Variants in ETV1 observed in about 807,000 individuals in gnomAD.
ETV1 encodes ETS variant transcription factor 1, also known as ETS translocation variant 1.
ETV1 carries 27 observed loss-of-function variants against 62.3 expected under a neutral mutation model. The ratio of observed to expected loss-of-function variants is 0.43; its 90% CI spans 0.32 to 0.60. The LOEUF is 0.60. Among genes scored for constraint, ETV1 ranks in the 20% least tolerant of loss-of-function variants. The pLI is 0.06. For synonymous variants in ETV1, 222 were observed against 199.6 expected, an observed-to-expected ratio of 1.11 and a Z score of -0.94; for missense variants, 605 against 605.8, an observed-to-expected ratio of 1.00 and a Z score of 0.01.
At chr7:13,915,950 A>C (rs1784108934) in intron 9 of ETV1, among the ~76,000 whole-genome samples, 1 of 152,204 alleles carries the variant, frequency 6.6e-6, no homozygotes, top group South Asian at 2.1e-4. Flanking sequence ...ACTAAACTTG[A>C]TGTGAATGTA....
Position 13,986,703 on chromosome 7 carries a change from G to A in ETV1, c.134-18C>T, listed in dbSNP as rs759260413. The A allele has an allele frequency of 5.1e-6, 8 of 1,583,126 alleles. No homozygotes were observed. The African/African-American group carries it at 9.5e-5, about 19-fold the overall frequency. ...AAAGAGTTCTAAAAAACAAGTCAAA[G>A]ACATAAACATAAGATTTGCAAATCT... On this transcript the variant is annotated intron_variant, in intron 4 of 13. Coordinates refer to ENST00000430479, the MANE Select transcript of ETV1 (RefSeq NM_004956.5).
At chr7:13,971,247 A>G (rs1225031971) in intron 6 of ETV1, among the ~76,000 whole-genome samples, 1 of 152,242 alleles carries the variant, frequency 6.6e-6, no homozygotes, top group African/African-American at 2.4e-5. Flanking sequence ...CTGGGACTAC[A>G]GGCGTGAGCC....
rs756968342 is a variant in ETV1 at position 13,986,623 on chromosome 7, C to G, written c.181+15G>C. On this transcript the variant is annotated intron_variant, in intron 5 of 13. Coordinates refer to ENST00000430479, the MANE Select transcript of ETV1 (RefSeq NM_004956.5). ...AGAGTTGCTTTCCCCCCTTTTAAAGCAAATTTTGCCTTACCTTCTGCAAGC... is the reference window on the plus strand; with the variant it reads ...AGAGTTGCTTTCCCCCCTTTTAAAGGAAATTTTGCCTTACCTTCTGCAAGC... 6.2e-7 allele frequency: 1 copy of G among 1,611,742 alleles called. No homozygotes were observed. Among genetic ancestry groups the G allele is most frequent in the Non-Finnish European group, 8.5e-7 (1 of 1,178,968 alleles).
chr7:13,990,364 C>A (rs1367996664), upstream of ETV1: 1 of 152,134 alleles, frequency 6.6e-6, no homozygotes, highest in Non-Finnish European at 1.5e-5. Flanking sequence ...GATGGGAGGA[C>A]AACAGAGCAA....
chr7:13,925,627 G>A (rs1374284151), intron 9 of ETV1, among the ~76,000 whole-genome samples: 10 of 150,570 alleles, frequency 6.6e-5, no homozygotes, highest in Admixed American at 2.0e-4. Context: ...GTGCGGTGGC[G>A]CGATCTCAGC....
Position 13,989,320 on chromosome 7 carries a change from G to T in ETV1, c.-140C>A. The T allele has an allele frequency of 2.0e-6, 1 of 498,764 alleles. No homozygotes were observed. Among genetic ancestry groups the T allele is most frequent in the Non-Finnish European group, 3.5e-6 (1 of 284,796 alleles). The allele number at this position is 498,764 out of a possible 1,614,324, so 30.9% of individuals were successfully genotyped here. A position where few individuals can be genotyped will look rare whatever the true frequency, so the allele number is the denominator to read the frequency against. ...CACAATTTACATATTTTCGGTAGTA[G>T]CAAAAATCCGAACAAGAGGCGATGT... On this transcript the variant is annotated 5_prime_UTR_variant, in exon 2 of 14. Coordinates refer to ENST00000430479, the MANE Select transcript of ETV1 (RefSeq NM_004956.5).
chr7:13,933,949 G>A (rs1786486948), intron 8 of ETV1, among the ~76,000 whole-genome samples: 1 of 152,190 alleles, frequency 6.6e-6, no homozygotes, highest in Non-Finnish European at 1.5e-5. Flanking sequence ...CCTTCCCTAA[G>A]AAATAACCAG....
intron 3 of ETV1, 123 bp downstream of exon 3, chr7:13,988,885 G>T: frequency 6.4e-7 from 1 of 1,551,138 alleles, no homozygotes; most frequent in African/African-American, 1.4e-5. Flanking sequence ...CCCTACAGTG[G>T]CAACAAAGCA....
At chr7:13,989,860 G>A (rs1782891281), upstream of ETV1, 1 of 358,402 alleles carries the variant, frequency 2.8e-6, no homozygotes, top group Non-Finnish European at 5.0e-6. Context: ...TCGGCCGGTA[G>A]GCGCTGGGTC....
chr7:13,900,129 A>AAAAC (rs148725127), intron 13 of ETV1, among the ~76,000 whole-genome samples: 3 of 152,132 alleles, frequency 2.0e-5, no homozygotes, highest in East Asian at 1.9e-4. Context: ...AATCTGTCTC[A>AAAAC]AAACAAACAA....
chr7:13,988,595 G>GAAAAAAAA (rs34468165), intron 3 of ETV1: 8 of 811,090 alleles, frequency 9.9e-6, no homozygotes, highest in South Asian at 7.9e-5. Flanking sequence ...GTAGAGAAAT[G>GAAAAAAAA]AAAAAAAAAA....
At chr7:13,919,290 TATA>T (rs1385078216) in intron 9 of ETV1, among the ~76,000 whole-genome samples, 8 of 152,102 alleles carry the variant, frequency 5.3e-5, no homozygotes, top group African/African-American at 1.9e-4. Flanking sequence ...CAGGATTTAC[TATA>T]ATATTTCCAG....
At chr7:13,898,979 C>G (rs1198410937) in intron 13 of ETV1, among the ~76,000 whole-genome samples, 3 of 152,112 alleles carry the variant, frequency 2.0e-5, no homozygotes, top group African/African-American at 7.2e-5. Flanking sequence ...ATCTCAAGTA[C>G]ATTATTTCAT....
At chr7:13,924,796 C>G (rs1212738692) in intron 9 of ETV1, among the ~76,000 whole-genome samples, 1 of 152,168 alleles carries the variant, frequency 6.6e-6, no homozygotes, top group African/African-American at 2.4e-5. Flanking sequence ...AGATATTTAT[C>G]TGTAAAATTT....
intron 7 of ETV1, 112 bp downstream of exon 7, chr7:13,939,005 G>C (rs1185518803): frequency 8.8e-6 from 9 of 1,023,754 alleles, no homozygotes; most frequent in African/African-American, 8.2e-5. Flanking sequence ...TAATTAGCTT[G>C]TTACATATTA....
intron 12 of ETV1, among the ~76,000 whole-genome samples, chr7:13,901,417 C>G (rs1025926964): frequency 1.3e-5 from 2 of 152,138 alleles, no homozygotes; most frequent in African/African-American, 4.8e-5. Context: ...AATGTTCTTA[C>G]AACAGGAATG....
At chr7:13,912,119 A>G (rs537140479) in intron 9 of ETV1, among the ~76,000 whole-genome samples, 1 of 152,322 alleles carries the variant, frequency 6.6e-6, no homozygotes, top group East Asian at 1.9e-4. Context: ...TGACTGCTGC[A>G]CACCTGGATT....
intron 6 of ETV1, among the ~76,000 whole-genome samples, chr7:13,968,801 A>T (rs962864411): frequency 6.6e-6 from 1 of 152,028 alleles, no homozygotes; most frequent in Non-Finnish European, 1.5e-5. Flanking sequence ...GTCAACTTAC[A>T]GATAAGTAAG....
intron 6 of ETV1, among the ~76,000 whole-genome samples, chr7:13,970,162 G>A (rs887006259): frequency 6.6e-6 from 1 of 151,922 alleles, no homozygotes; most frequent in Non-Finnish European, 1.5e-5. Flanking sequence ...CCGGGAGGCC[G>A]AGGCAGGAGA....
Sources: allele counts gnomAD v4.1 joint callset (sites outside exome capture counted in the v4.1 genomes callset), GRCh38; gene constraint gnomAD v4.1.1; transcripts MANE v1.5; gene names NCBI Gene and HGNC (gene_info 2026-07-23, HGNC 2026-07-21).